The following LMNA variants were observed in gnomAD, a reference collection of about 807,000 sequenced individuals.
The protein encoded by LMNA is lamin.
Under a neutral mutation model 70.4 loss-of-function variants are expected in LMNA, and 20 were observed. The observed-to-expected ratio is 0.28, with a 90% CI of 0.20 to 0.41. LMNA has a LOEUF of 0.41. Ranked by LOEUF, LMNA falls within the 10% of genes least tolerant of loss-of-function variation. The probability of loss-of-function intolerance (pLI) is 1.00; values close to 1 mark genes in which losing one functional copy is unlikely to be tolerated. For synonymous variants in LMNA, 339 were observed against 372.8 expected, an observed-to-expected ratio of 0.91 and a Z score of 1.04; for missense variants, 652 against 917.2, an observed-to-expected ratio of 0.71 and a Z score of 3.73.
chr1:156,110,118 G>A (rs149758845), upstream of LMNA, among the ~76,000 whole-genome samples: 549 of 152,066 alleles, frequency 3.6e-3, 6 homozygotes, highest in African/African-American at 0.013. Context: ...CCCAAGTATT[G>A]GGATTATGGG....
At position 156,103,093 on chromosome 1, in the gene LMNA, G is replaced by C. The variant is rs982666289; in HGVS notation, c.-206-11620G>C. ...TCCTTGCCTCAAGGTGGACCCATGG[G>C]GGCTGCAGCTGAGCTGGGGACTTTG... On this transcript the variant is annotated intron_variant, in intron 3 of 12. Coordinates refer to the LMNA transcript ENST00000368301. The surrounding 1 kb of genome is among the most constrained non-coding windows in gnomAD (Gnocchi z 4.7). 4.6e-5 allele frequency among the ~76,000 whole-genome samples: 7 copies of C among 152,186 alleles called. No individual in the cohort carries two copies. The highest frequency in any genetic ancestry group is 1.5e-5 in the Non-Finnish European group (1 of 68,042).
chr1:156,125,652 C>G (rs471679), intron 1 of LMNA, among the ~76,000 whole-genome samples: 21,423 of 150,938 alleles, frequency 0.14, 3,253 homozygotes, highest in African/African-American at 0.38. Context: ...TCGCGCCACT[C>G]TACTCTAGCC....
At chr1:156,094,891 C>G (rs1648863704) in intron 3 of LMNA, among the ~76,000 whole-genome samples, 1 of 151,664 alleles carries the variant, frequency 6.6e-6, no homozygotes, top group Non-Finnish European at 1.5e-5. Flanking sequence ...TCCCAAGTAG[C>G]TGAGATTACA....
In LMNA at chr1:156,118,898, T is replaced by C. The variant is rs1434060247; in HGVS notation, c.356+3624T>C. Among the ~76,000 whole-genome samples, 3 of 152,154 alleles carry C rather than the reference T, an allele frequency of 2.0e-5. No individual in the cohort carries two copies. The East Asian group carries it at 5.8e-4, about 29-fold the overall frequency. ...ACTCAGGAGTTTGGGGGACCTTCTG[T>C]TGGGCTGGATTATAGGCTCCAAGAA... is the stretch of plus-strand genomic sequence containing the variant. On this transcript the variant is annotated intron_variant, in intron 1 of 11. Transcript: ENST00000368300.
Position 156,138,299 on chromosome 1 carries a change from C to A in LMNA, c.1699-189C>A. On this transcript the variant is annotated intron_variant, in intron 10 of 11. Transcript: ENST00000368300. The surrounding 1 kb of genome is among the most constrained non-coding windows in gnomAD (Gnocchi z 5.5). The stretch of plus-strand genomic sequence containing the variant: ...CCCAAGTCTTCCTGAGCCTTCTCCC[C>A]TTTTATGTCTTCCCTCTCCTCCTCC... 1 of 623,326 alleles carries A rather than the reference C, an allele frequency of 1.6e-6. No individual in the cohort carries two copies. The highest frequency in any genetic ancestry group is 2.8e-6 in the Non-Finnish European group (1 of 356,388). The allele number at this position is 623,326 out of a possible 1,614,324, so 38.6% of individuals were successfully genotyped here.
At position 156,096,331 on chromosome 1, in the gene LMNA, C is replaced by T. The variant is rs944359899; in HGVS notation, c.-207+5749C>T. On this transcript the variant is annotated intron_variant, in intron 3 of 12. Transcript: ENST00000368301. ...TACCTGTGAGCCCTATGCAAATTAC[C>T]GCACATCTCTGAACCTGTTTTCCCA... Among the ~76,000 whole-genome samples, 29 of 152,332 alleles carry T rather than the reference C, an allele frequency of 1.9e-4. 1 individual carries two copies. Among genetic ancestry groups the T allele is most frequent in the African/African-American group, 6.5e-4 (27 of 41,570 alleles).
At chr1:156,123,380 A>G (rs1650332175) in intron 1 of LMNA, 1 of 152,192 alleles carries the variant, frequency 6.6e-6, no homozygotes, top group Non-Finnish European at 1.5e-5. Flanking sequence ...GAATGCAGTG[A>G]GACCAGACTG....
At chr1:156,133,478 G>A (rs1651260316) in intron 2 of LMNA, among the ~76,000 whole-genome samples, 1 of 152,032 alleles carries the variant, frequency 6.6e-6, no homozygotes, top group Non-Finnish European at 1.5e-5. Context: ...GACTGAGGCA[G>A]GAGAATGGCA....
At chr1:156,106,643 ACGCCTCTGTCCCCAC>A (rs1649359249) in intron 3 of LMNA, 1 of 46,654 alleles carries the variant, frequency 2.1e-5, no homozygotes, top group African/African-American at 8.4e-5. Flanking sequence ...CCACCCCCCC[ACGCCTCTGTCCCCAC>A]CCCCCCACCG....
At chr1:156,107,795 G>T (rs552445385) in intron 3 of LMNA, among the ~76,000 whole-genome samples, 112 of 148,052 alleles carry the variant, frequency 7.6e-4, no homozygotes, top group African/African-American at 2.5e-3. Context: ...TTGGGTTGTT[G>T]TTTTTTTTTT....
intron 1 of LMNA, chr1:156,126,718 C>T (rs1232823566): frequency 6.4e-7 from 1 of 1,557,050 alleles, no homozygotes. Flanking sequence ...CCCCTCTCTT[C>T]CCTCTTTCTG....
intron 3 of LMNA, among the ~76,000 whole-genome samples, chr1:156,104,845 T>C (rs1572324401): frequency 6.6e-6 from 1 of 152,192 alleles, no homozygotes; most frequent in East Asian, 1.9e-4. Flanking sequence ...AATGTTTTGC[T>C]GGACCCCATA....
At position 156,130,731 on chromosome 1, in the gene LMNA, G is replaced by A. The variant is rs150645079; in HGVS notation, c.471G>A (p.Thr157=). The change falls in exon 2 of 12, where the codon ACG becomes ACA. Residue 157 remains threonine (T), a synonymous_variant. Transcript: ENST00000368300. ...GCACTGCTCTCAGTGAGAAGCGCAC[G>A]CTGGAGGGCGAGCTGCATGATCTGC... is the stretch of plus-strand genomic sequence containing the variant. The part of the protein sequence containing the change: ...ALSTALSEKR[T]LEGELHDLRG... 107 of 1,607,710 alleles carry A rather than the reference G, an allele frequency of 6.7e-5. No individual in the cohort carries two copies. The highest frequency in any genetic ancestry group is 3.8e-4 in the Middle Eastern group (2 of 5,202).
Position 156,134,565 on chromosome 1 carries a change from T to C in LMNA, c.639+37T>C, listed in dbSNP as rs954508587. 1 of 1,612,690 alleles carries C rather than the reference T, an allele frequency of 6.2e-7. No homozygotes were observed. Among genetic ancestry groups the C allele is most frequent in the Non-Finnish European group, 8.5e-7 (1 of 1,179,882 alleles). On this transcript the variant is annotated intron_variant, in intron 3 of 11. Coordinates refer to ENST00000368300, the MANE Select transcript of LMNA (RefSeq NM_170707.4). This position sits in a 1 kb window ranked among gnomAD's most constrained non-coding sequence, Gnocchi z 5.3. Reference sequence around the variant, plus strand: ...GCTTTGCAAGCCAGAGGGCTGGGGCTGGGTGATGACAGACTTGGGCTGGGC... The same window carrying C: ...GCTTTGCAAGCCAGAGGGCTGGGGCCGGGTGATGACAGACTTGGGCTGGGC...
chr1:156,137,199 C>T lies in LMNA; in HGVS notation c.1575C>T (p.Ser525=). 6.2e-7 allele frequency: 1 copy of T among 1,601,772 alleles called. No individual in the cohort carries two copies. Residue 525 remains serine, a synonymous_variant, in exon 9 of 12, where the codon AGC becomes AGT. Transcript: ENST00000368300. This position sits in a 1 kb window ranked among gnomAD's most constrained non-coding sequence, Gnocchi z 4.6. ...AGAACACCTGGGGCTGCGGGAACAG[C>T]CTGCGTACGGCTCTCATCAACTCCA... ...KAQNTWGCGN[S]LRTALINSTG...
rs1019030652 is a variant in LMNA at position 156,136,002 on chromosome 1, C to T, written c.1038C>T (p.Ala346=). Residue 346 remains alanine (A), a synonymous_variant, in exon 6 of 12, where the codon GCC becomes GCT. Transcript: ENST00000368300. This position sits in a 1 kb window ranked among gnomAD's most constrained non-coding sequence, Gnocchi z 6.1. ...TGGCGGAAAAGGAGCGGGAGATGGCCGAGATGCGGGCAAGGATGCAGCAGC... is the reference window on the plus strand; with the variant it reads ...TGGCGGAAAAGGAGCGGGAGATGGCTGAGATGCGGGCAAGGATGCAGCAGC... ...RLLAEKEREM[A]EMRARMQQQL... 16 of 1,614,016 alleles carry T rather than the reference C, an allele frequency of 9.9e-6. No homozygotes were observed. The highest frequency in any genetic ancestry group is 2.2e-5 in the East Asian group (1 of 44,900).
chr1:156,084,248 T>C (rs901061592), intron 2 of LMNA, among the ~76,000 whole-genome samples: 1 of 149,800 alleles, frequency 6.7e-6, no homozygotes, highest in Non-Finnish European at 1.5e-5. Context: ...TTTAGTCCAG[T>C]TCCCTAAACT....
intron 2 of LMNA, among the ~76,000 whole-genome samples, chr1:156,088,031 C>T (rs1391222234): frequency 6.6e-6 from 1 of 151,984 alleles, no homozygotes; most frequent in Non-Finnish European, 1.5e-5. Context: ...ACCACCACAC[C>T]CAGCTAATTT....
intron 2 of LMNA, among the ~76,000 whole-genome samples, chr1:156,087,673 C>T (rs183799394): frequency 6.6e-6 from 1 of 152,234 alleles, no homozygotes; most frequent in Non-Finnish European, 1.5e-5. Flanking sequence ...CCCACCTCAG[C>T]CTCTCCAATA....
Sources: gnomAD v4.1 joint callset for allele counts (sites outside exome capture counted in the v4.1 genomes callset) on GRCh38, gnomAD v4.1.1 for gene constraint, Gnocchi (gnomAD v3.1) non-coding constraint, MANE v1.5 for transcripts, NCBI Gene and HGNC (gene_info 2026-07-23, HGNC 2026-07-21) for gene names.